Variants in BUB1B observed in about 807,000 individuals in gnomAD.
The protein encoded by BUB1B is BUB1 mitotic checkpoint serine/threonine kinase B.
In BUB1B, 86 loss-of-function variants were observed where a neutral mutation model predicts 137.7. The ratio of observed to expected loss-of-function variants is 0.62; its 90% CI spans 0.52 to 0.75. The LOEUF is 0.75. Ranked by LOEUF, BUB1B falls within the 30% of genes least tolerant of loss-of-function variation. The pLI, the probability that BUB1B is intolerant of heterozygous loss-of-function variation, is 0.00. For synonymous variants in BUB1B, 420 were observed against 417.9 expected, an observed-to-expected ratio of 1.00 and a Z score of -0.06; for missense variants, 1,130 against 1,236.9, an observed-to-expected ratio of 0.91 and a Z score of 1.30.
At chr15:40,217,072 G>T (rs2037802729) in intron 20 of BUB1B, among the ~76,000 whole-genome samples, 2 of 152,116 alleles carry the variant, frequency 1.3e-5, no homozygotes, top group South Asian at 4.1e-4. Context: ...TACTTGGAAA[G>T]CCTATCTGGA....
rs142447963 is a variant in BUB1B at position 40,174,468 on chromosome 15, T to C, written c.385-2009T>C. Among the ~76,000 whole-genome samples, 801 of 152,334 alleles carry C rather than the reference T, an allele frequency of 5.3e-3. 8 individuals carry two copies. The highest frequency in any genetic ancestry group is 0.018 in the African/African-American group (752 of 41,570). Reference sequence around the variant, plus strand: ...ATATCATAGCAATGTCTTCTGAGTTTGTAGAGCTTAGTTTATCTGAAAGAC... The same window carrying C: ...ATATCATAGCAATGTCTTCTGAGTTCGTAGAGCTTAGTTTATCTGAAAGAC... On this transcript the variant is annotated intron_variant, in intron 4 of 22. Transcript: ENST00000287598.
chr15:40,170,702 A>C (rs1455728695), intron 4 of BUB1B, 21 bp downstream of exon 4: 2 of 1,610,928 alleles, frequency 1.2e-6, no homozygotes. Flanking sequence ...CTCAAGTGCC[A>C]TCTGAGTTTT....
In BUB1B at chr15:40,200,893, G is replaced by A. The variant is rs766855110; in HGVS notation, c.1518-38G>A. Reference sequence around the variant, plus strand: ...TAAAAATTAAACAGTTCTTTCTGTGGGTATTGAGCACATGATTTAAAACAA... The same window carrying A: ...TAAAAATTAAACAGTTCTTTCTGTGAGTATTGAGCACATGATTTAAAACAA... On this transcript the variant is annotated intron_variant, in intron 11 of 22. Coordinates refer to ENST00000287598, the MANE Select transcript of BUB1B (RefSeq NM_001211.6). 3 of 1,582,372 alleles carry A rather than the reference G, an allele frequency of 1.9e-6. No individual in the cohort carries two copies. The South Asian group carries it at 3.3e-5, about 18-fold the overall frequency.
chr15:40,184,040 C>T (rs1345927482), intron 6 of BUB1B, among the ~76,000 whole-genome samples, 157 bp downstream of exon 6: 1 of 152,086 alleles, frequency 6.6e-6, no homozygotes, highest in African/African-American at 2.4e-5. Context: ...TTACAGTGTG[C>T]AGTAAAATCA....
intron 1 of BUB1B, among the ~76,000 whole-genome samples, chr15:40,161,508 T>C (rs2037042541): frequency 6.6e-6 from 1 of 152,214 alleles, no homozygotes; most frequent in Non-Finnish European, 1.5e-5. Context: ...ACAAAGAGTT[T>C]GGAAGTTGCA....
At position 40,165,133 on chromosome 15, in the gene BUB1B, C is replaced by A; in HGVS notation, c.116C>A (p.Ser39Tyr). The A allele has an allele frequency of 6.2e-7, 1 of 1,614,166 alleles. No homozygotes were observed. The highest frequency in any genetic ancestry group is 8.5e-7 in the Non-Finnish European group (1 of 1,180,026). The change falls in exon 2 of 23, where the codon TCC (serine) becomes TAC (tyrosine). Residue 39 changes from serine to tyrosine, a missense_variant. Physicochemically the swap from Ser to Tyr is moderately radical, Grantham distance 144 (BLOSUM62 -2). Transcript: ENST00000287598. ...VQPLRQGRIM[S>Y]TLQGALAQES... ...CCTTTAAGGCAAGGGCGGATCATGTCCACGCTTCAGGGAGCACTGGCACAA... is the reference window on the plus strand; with the variant it reads ...CCTTTAAGGCAAGGGCGGATCATGTACACGCTTCAGGGAGCACTGGCACAA...
intron 20 of BUB1B, among the ~76,000 whole-genome samples, chr15:40,214,717 G>C (rs576866083): frequency 1.2e-4 from 18 of 152,258 alleles, no homozygotes; most frequent in African/African-American, 3.9e-4. Context: ...AGAGTCAAAG[G>C]CTTTCCCAGA....
intron 4 of BUB1B, chr15:40,174,085 C>T (rs1206677250): frequency 6.1e-6 from 2 of 325,506 alleles, no homozygotes; most frequent in Non-Finnish European, 1.2e-5. Flanking sequence ...TATGTTATTT[C>T]TTAAGTGATC....
At chr15:40,163,639 GATT>G (rs1488547858) in intron 1 of BUB1B, among the ~76,000 whole-genome samples, 2 of 152,108 alleles carry the variant, frequency 1.3e-5, no homozygotes, top group East Asian at 3.8e-4. Context: ...TTGGGTAAAT[GATT>G]ATTTTTTGTT....
chr15:40,197,393 C>G (rs1225705045), intron 9 of BUB1B, among the ~76,000 whole-genome samples: 1 of 151,876 alleles, frequency 6.6e-6, no homozygotes, highest in Non-Finnish European at 1.5e-5. Flanking sequence ...TACTTGAAGG[C>G]AAGAGGTAGG....
intron 14 of BUB1B, among the ~76,000 whole-genome samples, chr15:40,203,878 G>T (rs2037605551): frequency 6.6e-6 from 1 of 152,240 alleles, no homozygotes; most frequent in African/African-American, 2.4e-5. Flanking sequence ...AGACTGAAAA[G>T]AATTGAGTAT....
At chr15:40,164,639 T>A (rs1004701953) in intron 1 of BUB1B, among the ~76,000 whole-genome samples, 3 of 151,322 alleles carry the variant, frequency 2.0e-5, no homozygotes, top group African/African-American at 7.3e-5. Context: ...CTTTTCTTTC[T>A]GCCTTAAGCC....
chr15:40,183,991 C>T (rs1235163076), intron 6 of BUB1B, 108 bp downstream of exon 6: 4 of 1,193,182 alleles, frequency 3.4e-6, no homozygotes, highest in Non-Finnish European at 3.6e-6. Context: ...TTGCTGAATA[C>T]TGAGTAGCAA....
chr15:40,183,440 C>G (rs977840687), intron 5 of BUB1B, among the ~76,000 whole-genome samples: 2 of 152,146 alleles, frequency 1.3e-5, no homozygotes, highest in South Asian at 2.1e-4. Flanking sequence ...TAACCCTAAC[C>G]TGATCCTCAG....
intron 4 of BUB1B, chr15:40,173,995 G>C (rs1349596902): frequency 2.4e-6 from 1 of 422,834 alleles, no homozygotes; most frequent in Admixed American, 2.9e-5. Context: ...AATTATTTTA[G>C]TTTGGCAATT....
chr15:40,201,091 G>A (rs1236354948), intron 12 of BUB1B, 111 bp downstream of exon 12: 1 of 974,982 alleles, frequency 1.0e-6, no homozygotes, highest in African/African-American at 1.6e-5. Context: ...AGGGGGACTA[G>A]GATACTAGGA....
At chr15:40,209,107 CTA>C in intron 16 of BUB1B, among the ~76,000 whole-genome samples, 1 of 152,254 alleles carries the variant, frequency 6.6e-6, no homozygotes, top group South Asian at 2.1e-4. Context: ...CATGCCCAGT[CTA>C]TGTGTTTTTC....
In BUB1B at chr15:40,165,105, C is replaced by T; in HGVS notation, c.88C>T (p.Gln30Ter). 1 of 1,614,140 alleles carries T rather than the reference C, an allele frequency of 6.2e-7. No homozygotes were observed. The highest frequency in any genetic ancestry group is 8.5e-7 in the Non-Finnish European group (1 of 1,180,028). ...DEWELSKENV[Q>*]PLRQGRIMST... is the part of the protein sequence containing the mutation. ...ATGGGAACTGAGTAAAGAAAATGTACAACCTTTAAGGCAAGGGCGGATCAT... is the reference window on the plus strand; with the variant it reads ...ATGGGAACTGAGTAAAGAAAATGTATAACCTTTAAGGCAAGGGCGGATCAT... The change falls in exon 2 of 23, where the codon CAA (glutamine) becomes TAA (stop). Residue 30 changes from glutamine to a stop codon, truncating the protein, a stop_gained. Coordinates refer to ENST00000287598, the MANE Select transcript of BUB1B (RefSeq NM_001211.6). LOFTEE classifies it high-confidence loss of function.
chr15:40,200,794 A>G (rs1437837288), intron 11 of BUB1B, 137 bp from the exon 12 acceptor site: 1 of 725,556 alleles, frequency 1.4e-6, no homozygotes, highest in Non-Finnish European at 2.3e-6. Flanking sequence ...ATCTTCTTTA[A>G]GAGAATTTGA....
Sources: gnomAD v4.1 joint callset for allele counts (sites outside exome capture counted in the v4.1 genomes callset) on GRCh38, gnomAD v4.1.1 for gene constraint, MANE v1.5 for transcripts, NCBI Gene and HGNC (gene_info 2026-07-23, HGNC 2026-07-21) for gene names.